ASIP: variants seen among roughly 807,000 people sequenced by gnomAD.
The protein encoded by ASIP is agouti signaling protein.
A neutral mutation model predicts 10.3 loss-of-function variants in ASIP; 11 were observed. The observed-to-expected ratio is 1.07, with a 90% CI of 0.68 to 1.78. The LOEUF is 1.78. Ranked by LOEUF, ASIP falls within the 40% of genes most tolerant of loss-of-function variation. The pLI is 0.00. For missense variants in ASIP, 180 were observed against 169.2 expected, an observed-to-expected ratio of 1.06 and a Z score of -0.35; for synonymous variants, 70 against 70.8, an observed-to-expected ratio of 0.99 and a Z score of 0.06.
intron 1 of ASIP, among the ~76,000 whole-genome samples, chr20:34,222,845 G>A (rs1394696862): frequency 1.3e-5 from 2 of 151,832 alleles, no homozygotes; most frequent in African/African-American, 4.9e-5. Context: ...GGCCGGGCCG[G>A]TCTCCAGCCC....
At chr20:34,265,719 G>A (rs2035772641) in intron 3 of ASIP, among the ~76,000 whole-genome samples, 1 of 152,088 alleles carries the variant, frequency 6.6e-6, no homozygotes, top group Admixed American at 6.6e-5. Flanking sequence ...GGAGGCCAAG[G>A]AGGGTGGATC....
intron 1 of ASIP, among the ~76,000 whole-genome samples, chr20:34,257,084 T>C (rs200661096): frequency 6.8e-6 from 1 of 146,286 alleles, no homozygotes; most frequent in African/African-American, 2.7e-5. Flanking sequence ...TTTTTTTTTG[T>C]TTTTTGTTTT....
chr20:34,251,374 C>T (rs2035473415), intron 1 of ASIP, among the ~76,000 whole-genome samples: 1 of 151,968 alleles, frequency 6.6e-6, no homozygotes, highest in Non-Finnish European at 1.5e-5. Context: ...CGGTTCACAC[C>T]ATTCTCCTGC....
chr20:34,238,022 G>C (rs191738884), upstream of ASIP, among the ~76,000 whole-genome samples: 32 of 152,246 alleles, frequency 2.1e-4, no homozygotes, highest in East Asian at 4.8e-3. Flanking sequence ...TGATTTTATT[G>C]AGGATTTATT....
chr20:34,235,323 C>G (rs2035165798), intron 1 of ASIP, among the ~76,000 whole-genome samples: 1 of 152,080 alleles, frequency 6.6e-6, no homozygotes, highest in African/African-American at 2.4e-5. Flanking sequence ...ACCTGTAATC[C>G]CAGCTACTTG....
chr20:34,234,648 A>T (rs1227154078), intron 1 of ASIP, among the ~76,000 whole-genome samples: 4 of 152,046 alleles, frequency 2.6e-5, no homozygotes, highest in Non-Finnish European at 5.9e-5. Context: ...CTAAAAATAC[A>T]AAAATTCGCC....
chr20:34,220,275 C>G (rs909670657), intron 1 of ASIP, among the ~76,000 whole-genome samples: 8 of 152,022 alleles, frequency 5.3e-5, no homozygotes, highest in African/African-American at 1.9e-4. Context: ...AATAAATGGG[C>G]ATTTTCAATA....
chr20:34,206,732 C>T (rs1215151154), intron 1 of ASIP, among the ~76,000 whole-genome samples: 2 of 152,134 alleles, frequency 1.3e-5, no homozygotes, highest in East Asian at 3.8e-4. Flanking sequence ...GTGCAAGCCA[C>T]CACGCCTGGC....
chr20:34,200,326 A>G (rs1171672770), intron 1 of ASIP, among the ~76,000 whole-genome samples: 2 of 152,224 alleles, frequency 1.3e-5, no homozygotes, highest in Non-Finnish European at 2.9e-5. Flanking sequence ...AATTGTAATT[A>G]CTTTATTCTG....
intron 3 of ASIP, among the ~76,000 whole-genome samples, chr20:34,266,220 C>T (rs973851622): frequency 8.6e-5 from 13 of 151,018 alleles, no homozygotes; most frequent in Admixed American, 5.9e-4. Context: ...GAGGTGGTGG[C>T]GGGCGCCTGT....
chr20:34,235,863 A>AGCG, intron 1 of ASIP, among the ~76,000 whole-genome samples: 6 of 40,286 alleles, frequency 1.5e-4, no homozygotes, highest in African/African-American at 3.4e-4. Context: ...GAAGGAAGGA[A>AGCG]GGAAAGGAAG....
chr20:34,214,440 G>C, intron 1 of ASIP: 4 of 1,504,422 alleles, frequency 2.7e-6, no homozygotes, highest in Non-Finnish European at 2.8e-6. Flanking sequence ...CAAAGCACTA[G>C]CTTTTGAAAC....
At chr20:34,189,290 TGGA>T in the ASIP span, among the ~76,000 whole-genome samples, 1 of 152,158 alleles carries the variant, frequency 6.6e-6, no homozygotes, top group African/African-American at 2.4e-5. Context: ...TTGCCCAGGC[TGGA>T]GTGCAGTGGC....
chr20:34,242,677 A>G (rs1053887061), intron 1 of ASIP, among the ~76,000 whole-genome samples: 1 of 152,270 alleles, frequency 6.6e-6, no homozygotes, highest in Non-Finnish European at 1.5e-5. Context: ...AAATAGAACT[A>G]ATGCATACAT....
chr20:34,246,455 C>CG, intron 1 of ASIP: 1 of 1,402,518 alleles, frequency 7.1e-7, no homozygotes, highest in Non-Finnish European at 1.0e-6. Context: ...ATAAAGGACT[C>CG]GAAGTGGGTA....
At chr20:34,257,308 C>T (rs2035590831) in intron 1 of ASIP, among the ~76,000 whole-genome samples, 1 of 151,994 alleles carries the variant, frequency 6.6e-6, no homozygotes, top group South Asian at 2.1e-4. Context: ...CCAGGTCGAA[C>T]TCCTGACCCC....
chr20:34,206,893 C>A (rs1380537822), intron 1 of ASIP, among the ~76,000 whole-genome samples: 16 of 152,170 alleles, frequency 1.1e-4, no homozygotes, highest in Admixed American at 1.0e-3. Flanking sequence ...TTTTTAAATC[C>A]ATTCATTTGT....
At chr20:34,259,682 G>A (rs533888916) in intron 1 of ASIP, among the ~76,000 whole-genome samples, 2 of 151,930 alleles carry the variant, frequency 1.3e-5, no homozygotes, top group Admixed American at 6.6e-5. Context: ...CCTGGGAGGT[G>A]GAGGTTGCAG....
At chr20:34,192,530 T>G (rs902196640), upstream of ASIP, among the ~76,000 whole-genome samples, 2 of 151,278 alleles carry the variant, frequency 1.3e-5, no homozygotes, top group African/African-American at 4.9e-5. Context: ...TCTTTTTTTT[T>G]TTTTCCTGAG....
Sources: allele counts gnomAD v4.1 joint callset (sites outside exome capture counted in the v4.1 genomes callset), GRCh38; gene constraint gnomAD v4.1.1; transcripts MANE v1.5; gene names NCBI Gene and HGNC (gene_info 2026-07-23, HGNC 2026-07-21).